The following ERP44 variants were observed in gnomAD, a reference collection of about 807,000 sequenced individuals.
ERP44 encodes endoplasmic reticulum protein 44, also known as endoplasmic reticulum resident protein 44.
ERP44 carries 25 observed loss-of-function variants against 53.4 expected under a neutral mutation model. The observed-to-expected ratio is 0.47, with a 90% CI of 0.34 to 0.65. The LOEUF is 0.65. Among genes scored for constraint, ERP44 ranks in the 30% least tolerant of loss-of-function variants. The pLI is 0.01. For missense variants in ERP44, 338 were observed against 493.2 expected, an observed-to-expected ratio of 0.69 and a Z score of 2.98; for synonymous variants, 145 against 161.2, an observed-to-expected ratio of 0.90 and a Z score of 0.76.
chr9:99,982,444 TA>T lies in ERP44; in HGVS notation c.*167del. On this transcript the variant is annotated 3_prime_UTR_variant, in exon 12 of 12. Coordinates refer to ENST00000262455, the MANE Select transcript of ERP44 (RefSeq NM_015051.3). ...TTTTTTTTTTAAGAGGCTACTATAT[TA>T]AATGACAATGCATTTTGAGTCGGGG... 1 of 327,522 alleles carries T rather than the reference TA, an allele frequency of 3.1e-6. No homozygotes were observed. Among genetic ancestry groups the T allele is most frequent in the African/African-American group, 2.1e-5 (1 of 46,572 alleles). The allele number at this position is 327,522 out of a possible 1,614,324, so 20.3% of individuals were successfully genotyped here.
chr9:100,036,610 C>G (rs1380146815), intron 4 of ERP44, among the ~76,000 whole-genome samples: 1 of 152,100 alleles, frequency 6.6e-6, no homozygotes, highest in African/African-American at 2.4e-5. Flanking sequence ...ATATGCCTTA[C>G]TGTAATAATC....
At position 100,025,109 on chromosome 9, in the gene ERP44, A is replaced by C. The variant is rs560648593; in HGVS notation, c.287-2883T>G. Among the ~76,000 whole-genome samples the C allele has an allele frequency of 5.9e-5, 9 of 152,310 alleles. No homozygotes were observed. In the East Asian group the frequency reaches 7.7e-4, roughly 13 times the overall value. On this transcript the variant is annotated intron_variant, in intron 4 of 11. Coordinates refer to ENST00000262455, the MANE Select transcript of ERP44 (RefSeq NM_015051.3). ...AGACCCCATCTCAAAAAATAATCCT[A>C]CAATTATTAAAGAACCCAAATCTAA...
rs557985334 is a variant in ERP44 at position 100,098,770 on chromosome 9, A to T, written c.57+14T>A. ...TCGTGCGTTTGTCGATGGGTCTGTCATTCCCTCACTCACCAGGAGCAGAAG... is the reference window on the plus strand; with the variant it reads ...TCGTGCGTTTGTCGATGGGTCTGTCTTTCCCTCACTCACCAGGAGCAGAAG... On this transcript the variant is annotated intron_variant, in intron 1 of 11. Transcript: ENST00000262455. 4 of 1,612,048 alleles carry T rather than the reference A, an allele frequency of 2.5e-6. No homozygotes were observed. In the East Asian group the frequency reaches 8.9e-5, roughly 36 times the overall value.
At chr9:100,029,075 C>A (rs1825742828) in intron 4 of ERP44, among the ~76,000 whole-genome samples, 1 of 152,044 alleles carries the variant, frequency 6.6e-6, no homozygotes, top group South Asian at 2.1e-4. Context: ...AACTATAAAA[C>A]CAGTAGAAGA....
At chr9:100,019,654 G>A (rs1006780261) in intron 6 of ERP44, among the ~76,000 whole-genome samples, 6 of 151,094 alleles carry the variant, frequency 4.0e-5, no homozygotes, top group African/African-American at 1.5e-4. Context: ...ATTCCATCTT[G>A]AGAAAAAGAA....
At chr9:100,000,431 G>A (rs1367002253) in intron 10 of ERP44, among the ~76,000 whole-genome samples, 2 of 87,608 alleles carry the variant, frequency 2.3e-5, no homozygotes, top group Admixed American at 1.3e-4. Context: ...GCAAGATCCT[G>A]TATCAAAAAA....
intron 3 of ERP44, among the ~76,000 whole-genome samples, chr9:100,057,242 C>A (rs1826095632): frequency 6.6e-6 from 1 of 152,192 alleles, no homozygotes; most frequent in Admixed American, 6.5e-5. Context: ...TTCTTCCTAT[C>A]TCCATGCCAT....
At chr9:100,005,346 T>C (rs1830416138) in intron 10 of ERP44, among the ~76,000 whole-genome samples, 1 of 152,208 alleles carries the variant, frequency 6.6e-6, no homozygotes, top group South Asian at 2.1e-4. Flanking sequence ...CCCTTTCCTC[T>C]ACTTGGTTAT....
intron 1 of ERP44, among the ~76,000 whole-genome samples, chr9:100,086,201 C>T (rs1826480437): frequency 6.6e-6 from 1 of 152,142 alleles, no homozygotes; most frequent in Non-Finnish European, 1.5e-5. Flanking sequence ...TCATTTATAC[C>T]ACTTACAGGA....
Position 99,982,089 on chromosome 9 carries a change from T to G in ERP44, c.*523A>C, listed in dbSNP as rs1285942900. The G allele has an allele frequency of 6.6e-6, 1 of 152,620 alleles. No individual in the cohort carries two copies. Among genetic ancestry groups the G allele is most frequent in the Non-Finnish European group, 1.5e-5 (1 of 68,038 alleles). 9.5% of individuals were successfully genotyped at this position (152,620 alleles called of 1,614,324 possible). On this transcript the variant is annotated 3_prime_UTR_variant, in exon 12 of 12. Coordinates refer to ENST00000262455, the MANE Select transcript of ERP44 (RefSeq NM_015051.3). The stretch of plus-strand genomic sequence containing the variant: ...CATTAAGAATCCAAAAAAATACCAC[T>G]ATGGAATTTTCATAAGCAATATCCA...
intron 10 of ERP44, among the ~76,000 whole-genome samples, chr9:99,997,889 G>A (rs1830330314): frequency 6.6e-6 from 1 of 152,010 alleles, no homozygotes; most frequent in Admixed American, 6.6e-5. Flanking sequence ...AGGCCACCGA[G>A]AAGCACAAGC....
chr9:100,035,068 T>A (rs1825837299), intron 4 of ERP44, among the ~76,000 whole-genome samples: 1 of 152,134 alleles, frequency 6.6e-6, no homozygotes, highest in African/African-American at 2.4e-5. Context: ...TATACAAAAC[T>A]TAAGTCAAGA....
chr9:100,011,614 TAGAA>T (rs1564089277), intron 8 of ERP44, among the ~76,000 whole-genome samples: 3 of 152,024 alleles, frequency 2.0e-5, no homozygotes, highest in Admixed American at 1.3e-4. Context: ...TAATTAAAGA[TAGAA>T]AGACACCCAA....
At chr9:100,021,952 T>C (rs1008194714) in intron 5 of ERP44, 90 bp downstream of exon 5, 24 of 1,160,752 alleles carry the variant, frequency 2.1e-5, no homozygotes, top group African/African-American at 1.1e-4. Context: ...CAATAGACTA[T>C]AGGAGAATGT....
intron 2 of ERP44, among the ~76,000 whole-genome samples, chr9:100,058,809 T>C (rs1048979604): frequency 2.0e-5 from 3 of 152,254 alleles, no homozygotes; most frequent in Non-Finnish European, 4.4e-5. Flanking sequence ...AAAGATATTC[T>C]AGAATTGGAA....
intron 2 of ERP44, among the ~76,000 whole-genome samples, chr9:100,059,664 C>G (rs1826121606): frequency 6.6e-6 from 1 of 151,962 alleles, no homozygotes; most frequent in East Asian, 1.9e-4. Flanking sequence ...CCACTGCACT[C>G]CAGTCTGGGT....
At chr9:100,032,193 C>T (rs777533797) in intron 4 of ERP44, among the ~76,000 whole-genome samples, 3 of 152,078 alleles carry the variant, frequency 2.0e-5, no homozygotes, top group Non-Finnish European at 4.4e-5. Flanking sequence ...TCCAGCTATG[C>T]CCGCTTATTA....
At chr9:99,992,725 C>T (rs187962619) in intron 10 of ERP44, among the ~76,000 whole-genome samples, 5 of 152,302 alleles carry the variant, frequency 3.3e-5, no homozygotes, top group Admixed American at 6.5e-5. Context: ...GGAAGTCAAA[C>T]TGTCCCTGTT....
intron 6 of ERP44, among the ~76,000 whole-genome samples, chr9:100,018,838 G>A (rs1217143237): frequency 2.6e-5 from 4 of 152,116 alleles, no homozygotes; most frequent in Admixed American, 2.6e-4. Flanking sequence ...TCTAACTAGA[G>A]TAGTCCAGGA....
Sources: allele counts gnomAD v4.1 joint callset (sites outside exome capture counted in the v4.1 genomes callset), GRCh38; gene constraint gnomAD v4.1.1; transcripts MANE v1.5; gene names NCBI Gene and HGNC (gene_info 2026-07-23, HGNC 2026-07-21).